Variants in SYTL2 observed in about 807,000 individuals in gnomAD.
SYTL2 encodes the protein synaptotagmin like 2.
In SYTL2, 165 loss-of-function variants were observed where a neutral mutation model predicts 198.7. The ratio of observed to expected loss-of-function variants is 0.83; its 90% CI spans 0.73 to 0.94. The LOEUF is 0.94. Ranked by LOEUF, SYTL2 falls within the 40% of genes least tolerant of loss-of-function variation. The pLI is 0.00. For synonymous variants in SYTL2, 966 were observed against 917.7 expected, an observed-to-expected ratio of 1.05 and a Z score of -0.95; for missense variants, 2,835 against 2,582.8, an observed-to-expected ratio of 1.10 and a Z score of -2.12.
upstream of SYTL2, among the ~76,000 whole-genome samples, chr11:85,811,544 G>A (rs2093034074): frequency 6.6e-6 from 1 of 152,176 alleles, no homozygotes; most frequent in Non-Finnish European, 1.5e-5. Context: ...CGCAGGGAAA[G>A]GGGCGCGGAG....
the SYTL2 span, among the ~76,000 whole-genome samples, chr11:85,817,573 T>C: frequency 6.6e-6 from 1 of 152,250 alleles, no homozygotes; most frequent in Non-Finnish European, 1.5e-5. Flanking sequence ...TTATATTATA[T>C]TTCTTTTGTA....
chr11:85,786,075 A>C (rs1263604562), intron 1 of SYTL2, among the ~76,000 whole-genome samples: 1 of 152,232 alleles, frequency 6.6e-6, no homozygotes, highest in Non-Finnish European at 1.5e-5. Flanking sequence ...TAAGCAACAA[A>C]AAGGAAAAAC....
At chr11:85,727,989 C>G in intron 7 of SYTL2, 22 bp from the exon 8 acceptor site, 1 of 1,544,336 alleles carries the variant, frequency 6.5e-7, no homozygotes, top group Non-Finnish European at 8.7e-7. Context: ...AAATACTTTT[C>G]TAAATAAGAA....
chr11:85,811,652 G>C (rs1400585002), upstream of SYTL2, among the ~76,000 whole-genome samples: 1 of 152,132 alleles, frequency 6.6e-6, no homozygotes, highest in Non-Finnish European at 1.5e-5. Flanking sequence ...GTTGTTGAGA[G>C]GACTAAATGA....
At chr11:85,741,922 A>C (rs2090820233) in intron 4 of SYTL2, among the ~76,000 whole-genome samples, 1 of 152,210 alleles carries the variant, frequency 6.6e-6, no homozygotes, top group Non-Finnish European at 1.5e-5. Flanking sequence ...AATTCTACCA[A>C]AAACAAAGTT....
chr11:85,845,774 G>A, the SYTL2 span, among the ~76,000 whole-genome samples: 1 of 152,174 alleles, frequency 6.6e-6, no homozygotes, highest in South Asian at 2.1e-4. Context: ...AAATTAGCCG[G>A]GCATGGTGGC....
chr11:85,699,652 C>T (rs1244431098), intron 17 of SYTL2, among the ~76,000 whole-genome samples: 1 of 152,102 alleles, frequency 6.6e-6, no homozygotes, highest in Non-Finnish European at 1.5e-5. Context: ...TTATTTCTTC[C>T]ATCTCACTAG....
the SYTL2 span, among the ~76,000 whole-genome samples, chr11:85,833,650 G>C: frequency 6.6e-6 from 1 of 150,904 alleles, no homozygotes; most frequent in Non-Finnish European, 1.5e-5. Flanking sequence ...CTTCAAAGTG[G>C]TTCTGGGTTG....
chr11:85,783,338 T>C (rs1436855475), intron 1 of SYTL2, among the ~76,000 whole-genome samples: 1 of 151,972 alleles, frequency 6.6e-6, no homozygotes, highest in Non-Finnish European at 1.5e-5. Flanking sequence ...AGCATAGAGG[T>C]AACCACCCCC....
At chr11:85,703,316 TAAAGA>T (rs1349411016) in intron 16 of SYTL2, among the ~76,000 whole-genome samples, 1 of 152,000 alleles carries the variant, frequency 6.6e-6, no homozygotes, top group Admixed American at 6.6e-5. Context: ...CAGGATAAAT[TAAAGA>T]AAACTACACC....
the SYTL2 span, among the ~76,000 whole-genome samples, chr11:85,819,456 G>A: frequency 1.3e-5 from 2 of 152,286 alleles, no homozygotes; most frequent in African/African-American, 4.8e-5. Context: ...GCTCAGCTGA[G>A]GGTGGAAGCC....
chr11:85,835,336 C>T, the SYTL2 span, among the ~76,000 whole-genome samples: 2 of 152,126 alleles, frequency 1.3e-5, no homozygotes, highest in Admixed American at 6.5e-5. Flanking sequence ...TATCCAACAA[C>T]TTCTAACTTC....
chr11:85,779,583 C>G (rs1185011135), intron 1 of SYTL2, among the ~76,000 whole-genome samples: 1 of 150,622 alleles, frequency 6.6e-6, no homozygotes, highest in Non-Finnish European at 1.5e-5. Flanking sequence ...AATGGAATTT[C>G]AAATGTTCAT....
chr11:85,758,877 G>A (rs986399406), intron 1 of SYTL2, among the ~76,000 whole-genome samples: 4 of 152,170 alleles, frequency 2.6e-5, no homozygotes, highest in South Asian at 4.1e-4. Flanking sequence ...ACAGAAATTC[G>A]GAGGTGATCC....
intron 4 of SYTL2, among the ~76,000 whole-genome samples, chr11:85,744,816 A>G (rs537212367): frequency 6.6e-6 from 1 of 152,336 alleles, no homozygotes; most frequent in African/African-American, 2.4e-5. Flanking sequence ...AAGGGTAACA[A>G]CTATGCCCTC....
chr11:85,721,925 C>A (rs1198621308), intron 8 of SYTL2, among the ~76,000 whole-genome samples: 1 of 152,072 alleles, frequency 6.6e-6, no homozygotes, highest in Non-Finnish European at 1.5e-5. Context: ...CCCAAAGGAG[C>A]ATACTGAGGT....
chr11:85,789,336 GTGTGTATA>G (rs1339069895), intron 1 of SYTL2, among the ~76,000 whole-genome samples: 8 of 24,346 alleles, frequency 3.3e-4, no homozygotes, highest in Non-Finnish European at 4.4e-4. Flanking sequence ...GTGTGTGTGT[GTGTGTATA>G]TATATATATA....
chr11:85,825,741 G>C, the SYTL2 span, among the ~76,000 whole-genome samples: 2 of 152,216 alleles, frequency 1.3e-5, no homozygotes, highest in East Asian at 3.8e-4. Context: ...TGAAGGCCCA[G>C]AGCCAGAGCA....
chr11:85,749,097 C>T (rs1196177390), intron 2 of SYTL2, among the ~76,000 whole-genome samples: 1 of 152,174 alleles, frequency 6.6e-6, no homozygotes, highest in East Asian at 1.9e-4. Context: ...TGTGCAGATC[C>T]TGCATTTAAG....
Sources: allele counts gnomAD v4.1 joint callset (sites outside exome capture counted in the v4.1 genomes callset), GRCh38; gene constraint gnomAD v4.1.1; transcripts MANE v1.5; gene names NCBI Gene and HGNC (gene_info 2026-07-23, HGNC 2026-07-21).